Variants in TENM4 observed in about 807,000 individuals in gnomAD.
The protein encoded by TENM4 is teneurin-4.
In TENM4, 82 loss-of-function variants were observed where a neutral mutation model predicts 243.3. The observed-to-expected ratio is 0.34, with a 90% confidence interval of 0.28 to 0.40. TENM4 has a LOEUF of 0.40. TENM4 is among the 10% of genes least tolerant of loss of function. The probability of loss-of-function intolerance (pLI) is 1.00; values close to 1 mark genes in which losing one functional copy is unlikely to be tolerated. For synonymous variants in TENM4, 1,412 were observed against 1,456.3 expected, an observed-to-expected ratio of 0.97 and a Z score of 0.69; for missense variants, 3,138 against 3,673.3, an observed-to-expected ratio of 0.85 and a Z score of 3.77.
At chr11:79,421,314 T>C (rs1565339554) in intron 1 of TENM4, among the ~76,000 whole-genome samples, 1 of 152,232 alleles carries the variant, frequency 6.6e-6, no homozygotes, top group East Asian at 1.9e-4. Flanking sequence ...GAGAACCTAG[T>C]ATTTCATACA....
intron 6 of TENM4, among the ~76,000 whole-genome samples, chr11:78,997,707 C>T (rs931845367): frequency 2.0e-5 from 3 of 152,198 alleles, no homozygotes; most frequent in Non-Finnish European, 2.9e-5. Flanking sequence ...CTCTACAGGC[C>T]TCAAGTCAGC....
chr11:78,827,638 C>T (rs1479631110), intron 12 of TENM4, among the ~76,000 whole-genome samples: 1 of 152,078 alleles, frequency 6.6e-6, no homozygotes, highest in Non-Finnish European at 1.5e-5. Flanking sequence ...TGCAGGCATG[C>T]ACCACCATGC....
At chr11:78,822,700 TCA>T in intron 12 of TENM4, among the ~76,000 whole-genome samples, 1 of 152,164 alleles carries the variant, frequency 6.6e-6, no homozygotes, top group East Asian at 1.9e-4. Flanking sequence ...AACCTGCACG[TCA>T]TGCACATGTA....
intron 16 of TENM4, among the ~76,000 whole-genome samples, chr11:78,780,358 G>C (rs189853888): frequency 6.6e-6 from 1 of 152,160 alleles, no homozygotes; most frequent in Admixed American, 6.5e-5. Context: ...CTATCAAAGG[G>C]CATGAATACA....
intron 2 of TENM4, among the ~76,000 whole-genome samples, chr11:79,290,032 G>A (rs548018487): frequency 2.0e-5 from 3 of 151,922 alleles, no homozygotes; most frequent in Non-Finnish European, 4.4e-5. Context: ...CTGACCTCAG[G>A]TGATCCGCCC....
intron 1 of TENM4, among the ~76,000 whole-genome samples, chr11:79,392,483 CA>C (rs1420809352): frequency 6.6e-6 from 1 of 152,214 alleles, no homozygotes; most frequent in Non-Finnish European, 1.5e-5. Context: ...AGGAAAGTCG[CA>C]GGGAGAATAT....
rs1464951115 is a variant in TENM4 at position 78,778,582 on chromosome 11, T to C, written c.2392+20A>G. On this transcript the variant is annotated intron_variant, in intron 17 of 33. Transcript: ENST00000278550. ...CACACACACAAAGACAACAGGAAAATAGAGGAAGGAAGACCATACCTTTAA... is the reference window on the plus strand; with the variant it reads ...CACACACACAAAGACAACAGGAAAACAGAGGAAGGAAGACCATACCTTTAA... 7.5e-6 allele frequency: 12 copies of C among 1,609,640 alleles called. No individual in the cohort carries two copies. The highest frequency in any genetic ancestry group is 4.5e-5 in the East Asian group (2 of 44,822).
intron 3 of TENM4, among the ~76,000 whole-genome samples, chr11:79,212,259 C>T (rs781468900): frequency 1.4e-4 from 22 of 152,168 alleles, no homozygotes; most frequent in East Asian, 1.9e-4. Context: ...CTCTGAGGCA[C>T]GGGCCATCAT....
chr11:79,148,149 C>T (rs1862426833), intron 4 of TENM4, among the ~76,000 whole-genome samples: 1 of 152,078 alleles, frequency 6.6e-6, no homozygotes, highest in Admixed American at 6.6e-5. Flanking sequence ...TGTCTGTATT[C>T]CAAGTGACCA....
intron 20 of TENM4, among the ~76,000 whole-genome samples, chr11:78,734,086 G>A (rs985159397): frequency 1.3e-5 from 2 of 152,166 alleles, no homozygotes; most frequent in African/African-American, 4.8e-5. Flanking sequence ...CAGCTACTTG[G>A]GAGGCTGAGG....
chr11:79,003,136 C>A (rs1016430509), intron 6 of TENM4, among the ~76,000 whole-genome samples: 2 of 152,086 alleles, frequency 1.3e-5, no homozygotes, highest in African/African-American at 4.8e-5. Flanking sequence ...TGAACAAAGC[C>A]TTTAAGAAAT....
intron 2 of TENM4, among the ~76,000 whole-genome samples, chr11:79,255,340 C>G (rs1045682439): frequency 2.0e-5 from 3 of 152,146 alleles, no homozygotes; most frequent in Non-Finnish European, 2.9e-5. Flanking sequence ...TTCAGTCCGG[C>G]CTCTCATGTT....
intron 2 of TENM4, among the ~76,000 whole-genome samples, chr11:79,280,162 C>A (rs1590847623): frequency 2.0e-5 from 3 of 152,348 alleles, no homozygotes; most frequent in South Asian, 4.1e-4. Flanking sequence ...AATTACCCAA[C>A]CTCAAGTATT....
chr11:78,812,039 C>T, intron 14 of TENM4, 83 bp downstream of exon 14: 1 of 1,471,186 alleles, frequency 6.8e-7, no homozygotes, highest in African/African-American at 1.4e-5. Context: ...GAGGCTTCCC[C>T]TGCTCCCTGG....
At chr11:79,311,813 T>C (rs966592168) in intron 1 of TENM4, among the ~76,000 whole-genome samples, 1 of 152,188 alleles carries the variant, frequency 6.6e-6, no homozygotes, top group African/African-American at 2.4e-5. Flanking sequence ...CCCTTCCAGG[T>C]TCTACCCCTG....
At chr11:78,733,433 C>A (rs1395416188) in intron 20 of TENM4, among the ~76,000 whole-genome samples, 2 of 152,180 alleles carry the variant, frequency 1.3e-5, no homozygotes, top group Non-Finnish European at 2.9e-5. Flanking sequence ...TCCTAGATGA[C>A]CCCCTGCTAA....
At chr11:79,061,396 C>T (rs912507328) in intron 6 of TENM4, among the ~76,000 whole-genome samples, 2 of 152,148 alleles carry the variant, frequency 1.3e-5, no homozygotes, top group Non-Finnish European at 2.9e-5. Context: ...ACCTCCTCTG[C>T]CCACCCGTCT....
chr11:79,196,309 C>A (rs12417400), intron 3 of TENM4, among the ~76,000 whole-genome samples: 12,957 of 151,752 alleles, frequency 0.085, 1,157 homozygotes, highest in East Asian at 0.39. Flanking sequence ...TGCTCCTTAG[C>A]TGTGTGACAC....
chr11:79,107,342 C>A (rs1861397810), intron 4 of TENM4, among the ~76,000 whole-genome samples: 1 of 152,104 alleles, frequency 6.6e-6, no homozygotes, highest in East Asian at 1.9e-4. Flanking sequence ...AACAGACGAT[C>A]CCCTCTGTGA....
Sources: gnomAD v4.1 joint callset for allele counts (sites outside exome capture counted in the v4.1 genomes callset) on GRCh38, gnomAD v4.1.1 for gene constraint, MANE v1.5 for transcripts, NCBI Gene and HGNC (gene_info 2026-07-23, HGNC 2026-07-21) for gene names.